The following XKR6 variants were observed in gnomAD, a reference collection of about 807,000 sequenced individuals.
The protein encoded by XKR6 is XK related 6.
A neutral mutation model predicts 56.7 loss-of-function variants in XKR6; 22 were observed. The observed-to-expected ratio is 0.39, with a 90% CI of 0.28 to 0.55. The LOEUF (loss-of-function observed/expected upper bound fraction) is 0.55, where lower values mean the gene tolerates loss of function less well. Among genes scored for constraint, XKR6 ranks in the 20% least tolerant of loss-of-function variants. The pLI, the probability that XKR6 is intolerant of heterozygous loss-of-function variation, is 0.66. For synonymous variants in XKR6, 524 were observed against 387.8 expected (o/e 1.35, Z -4.13); for missense variants, 852 against 889.0 (o/e 0.96, Z 0.53).
At chr8:11,175,676 A>T (rs528266904) in intron 1 of XKR6, 40 of 152,306 alleles carry the variant, frequency 2.6e-4, no homozygotes, top group African/African-American at 9.1e-4. Flanking sequence ...AAAAACAATT[A>T]ATTTCTGATT....
intron 2 of XKR6, among the ~76,000 whole-genome samples, chr8:10,905,685 G>A (rs1800169983): frequency 6.6e-6 from 1 of 151,888 alleles, no homozygotes; most frequent in South Asian, 2.1e-4. Flanking sequence ...TCCCTCCTGG[G>A]GAAGCTAACA....
intron 1 of XKR6, among the ~76,000 whole-genome samples, chr8:11,085,000 C>T (rs892317685): frequency 6.6e-6 from 1 of 152,176 alleles, no homozygotes; most frequent in Non-Finnish European, 1.5e-5. Context: ...CCACCTGCAT[C>T]CAGGTGCACC....
chr8:11,178,552 A>ATATATATATATATG (rs1563197761), intron 1 of XKR6, among the ~76,000 whole-genome samples: 1 of 117,194 alleles, frequency 8.5e-6, no homozygotes, highest in Non-Finnish European at 1.6e-5. Flanking sequence ...GTAAAAATAT[A>ATATATATATATATG]TATATATATA....
chr8:11,120,552 G>C (rs1045584573), intron 1 of XKR6, among the ~76,000 whole-genome samples: 6 of 152,062 alleles, frequency 3.9e-5, no homozygotes, highest in African/African-American at 1.4e-4. Flanking sequence ...CAAACAAATG[G>C]AAGAACATTC....
In XKR6 at chr8:11,076,098, G is replaced by A. The variant is rs73662691; in HGVS notation, c.764+124478C>T. Among the ~76,000 whole-genome samples the A allele has an allele frequency of 4.3e-3, 658 of 152,314 alleles. 11 individuals carry two copies. The highest frequency in any genetic ancestry group is 0.015 in the African/African-American group (616 of 41,566). On this transcript the variant is annotated intron_variant, in intron 1 of 2. Transcript: ENST00000416569. Reference sequence around the variant, plus strand: ...CACGGGCGAACCTCGATGATAGTATGCTGAAAGAAATGAGCCCGTCACAAA... The same window carrying A: ...CACGGGCGAACCTCGATGATAGTATACTGAAAGAAATGAGCCCGTCACAAA...
intron 1 of XKR6, among the ~76,000 whole-genome samples, chr8:11,030,139 G>A (rs887648585): frequency 6.6e-6 from 1 of 152,138 alleles, no homozygotes; most frequent in African/African-American, 2.4e-5. Context: ...ACAGATCCCT[G>A]CTTTGGCTCA....
chr8:11,169,933 GAA>G (rs1158865715), intron 1 of XKR6, among the ~76,000 whole-genome samples: 4 of 151,776 alleles, frequency 2.6e-5, no homozygotes, highest in African/African-American at 9.7e-5. Context: ...AAAAAGTGGG[GAA>G]AAGAGAGAGA....
At chr8:11,011,006 C>T (rs142653630) in intron 1 of XKR6, among the ~76,000 whole-genome samples, 60 of 152,254 alleles carry the variant, frequency 3.9e-4, no homozygotes, top group Admixed American at 5.9e-4. Flanking sequence ...ACATTGTCTC[C>T]GCATCTCTCA....
intron 1 of XKR6, among the ~76,000 whole-genome samples, chr8:10,983,644 T>C (rs1797785096): frequency 6.7e-6 from 1 of 149,690 alleles, no homozygotes; most frequent in Non-Finnish European, 1.5e-5. Flanking sequence ...AAAGAAAAGC[T>C]TACATATTCT....
At chr8:10,900,725 G>A (rs899024302) in intron 2 of XKR6, among the ~76,000 whole-genome samples, 6 of 152,210 alleles carry the variant, frequency 3.9e-5, no homozygotes, top group African/African-American at 1.4e-4. Flanking sequence ...TGTGTCTGCA[G>A]TGGCTGCACA....
chr8:10,965,029 G>A (rs1226781193), intron 1 of XKR6, among the ~76,000 whole-genome samples: 1 of 152,156 alleles, frequency 6.6e-6, no homozygotes, highest in African/African-American at 2.4e-5. Context: ...TCTCTTAAAG[G>A]GACAGGCCAA....
intron 1 of XKR6, among the ~76,000 whole-genome samples, chr8:10,943,249 C>T (rs1452071897): frequency 1.3e-5 from 2 of 152,180 alleles, no homozygotes; most frequent in African/African-American, 2.4e-5. Flanking sequence ...GGACAGGGTA[C>T]AGCCTGTAAG....
chr8:11,057,878 C>T (rs1392070344), intron 1 of XKR6, among the ~76,000 whole-genome samples: 6 of 152,276 alleles, frequency 3.9e-5, no homozygotes, highest in Middle Eastern at 3.4e-3. Flanking sequence ...TGAATCACAG[C>T]GCTGAGCACC....
rs145865310 is a variant in XKR6, at chr8:11,156,713, A to G, written c.764+43863T>C. ...TGCACAGTGGTAAATCAAAATATCT[A>G]TTTTGGGGTGGGAAGGGGAAAGACA... is the stretch of plus-strand genomic sequence containing the variant. On this transcript the variant is annotated intron_variant, in intron 1 of 2. Transcript: ENST00000416569. Among the ~76,000 whole-genome samples, 5 of 152,288 alleles carry G rather than the reference A, an allele frequency of 3.3e-5. No homozygotes were observed. In the East Asian group the frequency reaches 5.8e-4, roughly 18 times the overall value.
intron 2 of XKR6, among the ~76,000 whole-genome samples, chr8:10,904,547 G>A (rs1800131688): frequency 6.6e-6 from 1 of 152,178 alleles, no homozygotes; most frequent in African/African-American, 2.4e-5. Flanking sequence ...AGGGCGTCTT[G>A]CAAAGGATGA....
chr8:11,169,779 T>C (rs1024848966), intron 1 of XKR6, among the ~76,000 whole-genome samples: 4 of 152,268 alleles, frequency 2.6e-5, no homozygotes, highest in Non-Finnish European at 5.9e-5. Flanking sequence ...GATTAAACTG[T>C]TTCTTTGCCT....
At chr8:11,044,635 A>ATT (rs199827131) in intron 1 of XKR6, among the ~76,000 whole-genome samples, 187 of 143,960 alleles carry the variant, frequency 1.3e-3, no homozygotes, top group African/African-American at 3.1e-3. Flanking sequence ...TGATTTTCTG[A>ATT]TTTTTTTTTT....
At chr8:11,082,350 G>C (rs1017992386) in intron 1 of XKR6, among the ~76,000 whole-genome samples, 1 of 152,180 alleles carries the variant, frequency 6.6e-6, no homozygotes, top group Admixed American at 6.5e-5. Flanking sequence ...AGCAAGAGTT[G>C]GTCAATTTTG....
At chr8:10,929,663 A>G (rs1801001017) in intron 1 of XKR6, among the ~76,000 whole-genome samples, 1 of 152,242 alleles carries the variant, frequency 6.6e-6, no homozygotes. Context: ...TTCCTCATGT[A>G]TAAAATGCCT....
Sources: allele counts gnomAD v4.1 joint callset (sites outside exome capture counted in the v4.1 genomes callset), GRCh38; gene constraint gnomAD v4.1.1; transcripts MANE v1.5; gene names NCBI Gene and HGNC (gene_info 2026-07-23, HGNC 2026-07-21).